The following DNAJC8 variants were observed in gnomAD, a reference collection of about 807,000 sequenced individuals.
The protein encoded by DNAJC8 is dnaJ homolog subfamily C member 8.
DNAJC8 carries 24 observed loss-of-function variants against 43.2 expected under a neutral mutation model. The ratio of observed to expected loss-of-function variants is 0.56; its 90% CI spans 0.40 to 0.78. The LOEUF is 0.78. Ranked by LOEUF, DNAJC8 falls within the 30% of genes least tolerant of loss-of-function variation. The probability of loss-of-function intolerance (pLI) is 0.00; values close to 1 mark genes in which losing one functional copy is unlikely to be tolerated. For synonymous variants in DNAJC8, 83 were observed against 98.0 expected (o/e 0.85, Z 0.90); for missense variants, 207 against 299.4 (o/e 0.69, Z 2.28).
intron 2 of DNAJC8, 87 bp downstream of exon 2, chr1:28,228,835 A>C: frequency 1.9e-6 from 2 of 1,061,686 alleles, no homozygotes; most frequent in Admixed American, 2.1e-5. Flanking sequence ...CTATGATATA[A>C]ATTAGGTATG....
chr1:28,206,181 G>C (rs1040841286), intron 6 of DNAJC8, among the ~76,000 whole-genome samples: 3 of 151,724 alleles, frequency 2.0e-5, no homozygotes, highest in African/African-American at 7.3e-5. Flanking sequence ...AACAGAGCAA[G>C]ACTCTATCTC....
chr1:28,217,560 A>C (rs1646866758), intron 2 of DNAJC8, among the ~76,000 whole-genome samples: 1 of 152,144 alleles, frequency 6.6e-6, no homozygotes, highest in Non-Finnish European at 1.5e-5. Flanking sequence ...GAATTGGGAA[A>C]GTCACTCAAT....
chr1:28,201,189 C>A lies in DNAJC8; in HGVS notation c.*59G>T. On this transcript the variant is annotated 3_prime_UTR_variant, in exon 9 of 9. Coordinates refer to ENST00000263697, the MANE Select transcript of DNAJC8 (RefSeq NM_014280.3). Reference sequence around the variant, plus strand: ...GTGGAAGTGGGAGGAAAGAATGAGTCCTTCGAAGCAGGAAGGGAGATAGCA... The same window carrying A: ...GTGGAAGTGGGAGGAAAGAATGAGTACTTCGAAGCAGGAAGGGAGATAGCA... 1 of 1,604,854 alleles carries A rather than the reference C, an allele frequency of 6.2e-7. No individual in the cohort carries two copies.
In DNAJC8 at chr1:28,205,285, T is replaced by G. The variant is rs1375684916; in HGVS notation, c.536A>C (p.Glu179Ala). 6.2e-7 allele frequency: 1 copy of G among 1,613,398 alleles called. No homozygotes were observed. The highest frequency in any genetic ancestry group is 8.5e-7 in the Non-Finnish European group (1 of 1,179,834). ...TTCATGCATCTCTTTGGCTTCTCTC[T>G]CTTTCCTTTTAATTTCCAGCTCTGC... is the stretch of plus-strand genomic sequence containing the variant. The part of the protein sequence containing the change: ...LFAELEIKRK[E>A]REAKEMHERK... Residue 179 changes from glutamate (E) to alanine (A), a missense_variant, in exon 7 of 9, where the codon GAG (glutamate) becomes GCG (alanine). Glu to Ala is a moderately radical substitution (Grantham distance 107, BLOSUM62 -1). Transcript: ENST00000263697.
At chr1:28,217,677 T>C (rs1401900291) in intron 2 of DNAJC8, among the ~76,000 whole-genome samples, 3 of 151,726 alleles carry the variant, frequency 2.0e-5, no homozygotes, top group Admixed American at 6.6e-5. Context: ...TCTCTAGGGG[T>C]AAACCAAAGT....
At chr1:28,207,265 C>A (rs961124239) in intron 6 of DNAJC8, among the ~76,000 whole-genome samples, 5 of 151,928 alleles carry the variant, frequency 3.3e-5, no homozygotes, top group African/African-American at 1.2e-4. Flanking sequence ...GTAATCCCAG[C>A]TACTCAGGAG....
chr1:28,208,610 T>C, intron 5 of DNAJC8, 197 bp from the exon 6 acceptor site: 1 of 373,804 alleles, frequency 2.7e-6, no homozygotes, highest in Non-Finnish European at 4.8e-6. Flanking sequence ...ACAAGTCCTT[T>C]TTCTAATCTC....
At chr1:28,224,742 G>A (rs1412937208) in intron 2 of DNAJC8, among the ~76,000 whole-genome samples, 1 of 152,064 alleles carries the variant, frequency 6.6e-6, no homozygotes, top group African/African-American at 2.4e-5. Flanking sequence ...AAATTAGCAG[G>A]GCATGGTGGC....
chr1:28,209,716 T>G (rs1646797791), intron 5 of DNAJC8, among the ~76,000 whole-genome samples: 1 of 152,136 alleles, frequency 6.6e-6, no homozygotes, highest in South Asian at 2.1e-4. Context: ...GAACAACCCT[T>G]TCTCCCCAAC....
intron 7 of DNAJC8, 42 bp downstream of exon 7, chr1:28,205,216 T>C (rs1646760564): frequency 6.3e-6 from 9 of 1,430,526 alleles, no homozygotes; most frequent in African/African-American, 1.4e-5. Context: ...TTAGTTAATC[T>C]AGGTATTTAA....
At chr1:28,209,863 A>T in intron 5 of DNAJC8, 109 bp downstream of exon 5, 1 of 894,034 alleles carries the variant, frequency 1.1e-6, no homozygotes, top group East Asian at 2.6e-5. Context: ...GCACAGAAGT[A>T]GCCACAGGTT....
intron 7 of DNAJC8, among the ~76,000 whole-genome samples, chr1:28,204,714 C>G (rs1252169900): frequency 6.6e-6 from 1 of 152,058 alleles, no homozygotes; most frequent in Non-Finnish European, 1.5e-5. Flanking sequence ...AGAACACACA[C>G]AAGGCTCTTG....
Position 28,224,549 on chromosome 1 carries a change from T to A in DNAJC8, c.180+4373A>T, listed in dbSNP as rs556910306. On this transcript the variant is annotated intron_variant, in intron 2 of 8. Coordinates refer to ENST00000263697, the MANE Select transcript of DNAJC8 (RefSeq NM_014280.3). ...TCCCAAAGTGTTGGAATTACAGGTG[T>A]GAGCCACCGCGCCTGGCCAGGGAGA... 5.1e-3 allele frequency among the ~76,000 whole-genome samples: 777 copies of A among 152,110 alleles called. 1 individual carries two copies. The highest frequency in any genetic ancestry group is 0.014 in the Middle Eastern group (4 of 294).
Position 28,215,040 on chromosome 1 carries a change from T to C in DNAJC8, c.181-44A>G, listed in dbSNP as rs201494455. 200 of 1,518,618 alleles carry C rather than the reference T, an allele frequency of 1.3e-4. 2 individuals are homozygous for C. In the Middle Eastern group the frequency reaches 2.0e-3, roughly 16 times the overall value. The allele number at this position is 1,518,618 out of a possible 1,614,324, so 94.1% of individuals were successfully genotyped here. On this transcript the variant is annotated intron_variant, in intron 2 of 8. Coordinates refer to ENST00000263697, the MANE Select transcript of DNAJC8 (RefSeq NM_014280.3). ...AAACCATAAAAAAGGTGAAAATAAA[T>C]TACATGTATATTTAAGAGTTGCTCA...
chr1:28,221,519 A>G (rs1248530586), intron 2 of DNAJC8, among the ~76,000 whole-genome samples: 1 of 152,126 alleles, frequency 6.6e-6, no homozygotes. Flanking sequence ...CAGAACTACA[A>G]TAACTAATAG....
intron 4 of DNAJC8, 62 bp from the exon 5 acceptor site, chr1:28,210,128 T>C (rs1185901177): frequency 7.0e-7 from 1 of 1,435,020 alleles, no homozygotes; most frequent in Non-Finnish European, 9.8e-7. Context: ...TGAACTATAC[T>C]CAGGCAGTGT....
chr1:28,221,801 T>C (rs1646900021), intron 2 of DNAJC8, among the ~76,000 whole-genome samples: 1 of 152,208 alleles, frequency 6.6e-6, no homozygotes, highest in Admixed American at 6.5e-5. Context: ...TCCATGTTTA[T>C]AGCAACACTT....
At chr1:28,211,764 CT>C (rs1315275738) in intron 3 of DNAJC8, among the ~76,000 whole-genome samples, 1 of 152,010 alleles carries the variant, frequency 6.6e-6, no homozygotes, top group Non-Finnish European at 1.5e-5. Flanking sequence ...AGAAAATGTC[CT>C]TTTTTTGGGA....
intron 3 of DNAJC8, 38 bp downstream of exon 3, chr1:28,214,902 C>T (rs771947128): frequency 4.5e-6 from 7 of 1,542,308 alleles, no homozygotes; most frequent in African/African-American, 1.4e-5. Flanking sequence ...GTGCTTCATA[C>T]ATTTTCAAAA....
Sources: gnomAD v4.1 joint callset for allele counts (sites outside exome capture counted in the v4.1 genomes callset) on GRCh38, gnomAD v4.1.1 for gene constraint, MANE v1.5 for transcripts, NCBI Gene and HGNC (gene_info 2026-07-23, HGNC 2026-07-21) for gene names.